Variants in APLF observed in about 807,000 individuals in gnomAD.
APLF encodes aprataxin and PNK-like factor.
APLF carries 61 observed loss-of-function variants against 55.6 expected under a neutral mutation model. That is an observed-to-expected ratio of 1.10 (90% CI 0.89 to 1.36). The LOEUF (loss-of-function observed/expected upper bound fraction) is 1.36, where lower values mean the gene tolerates loss of function less well. Ranked by LOEUF, APLF falls within the 40% of genes most tolerant of loss-of-function variation. APLF has a pLI of 0.00. For synonymous variants in APLF, 207 were observed against 214.8 expected (o/e 0.96, Z 0.32); for missense variants, 611 against 602.5 (o/e 1.01, Z -0.15).
At chr2:68,483,015 A>G (rs1269716543) in intron 1 of APLF, among the ~76,000 whole-genome samples, 2 of 152,008 alleles carry the variant, frequency 1.3e-5, no homozygotes, top group African/African-American at 4.8e-5. Context: ...CCAGGCTCTC[A>G]GTAACTGGAG....
chr2:68,550,241 AT>A (rs949686393), intron 8 of APLF, among the ~76,000 whole-genome samples: 2 of 151,636 alleles, frequency 1.3e-5, no homozygotes, highest in South Asian at 4.2e-4. Context: ...GTCCATTTAC[AT>A]TTTTTTTGAG....
chr2:68,540,777 T>C (rs1670525638), intron 7 of APLF, among the ~76,000 whole-genome samples: 2 of 149,552 alleles, frequency 1.3e-5, no homozygotes, highest in Admixed American at 1.3e-4. Context: ...CATGCGTGTG[T>C]GTGTGTGTGT....
chr2:68,504,541 C>G (rs369586012), intron 3 of APLF, among the ~76,000 whole-genome samples: 7 of 151,768 alleles, frequency 4.6e-5, no homozygotes, highest in Admixed American at 4.6e-4. Flanking sequence ...AATAGATGCT[C>G]AAAAATAATT....
chr2:68,568,083 G>A (rs1362646375), intron 9 of APLF, among the ~76,000 whole-genome samples: 1 of 152,102 alleles, frequency 6.6e-6, no homozygotes, highest in African/African-American at 2.4e-5. Context: ...CTTTGAGGAA[G>A]AGAGGAGGGG....
intron 8 of APLF, among the ~76,000 whole-genome samples, chr2:68,563,748 C>T (rs1446362940): frequency 6.6e-6 from 1 of 151,890 alleles, no homozygotes; most frequent in African/African-American, 2.4e-5. Flanking sequence ...CAATTAAGAC[C>T]ATATTCAACT....
At chr2:68,499,561 A>T (rs1305146724) in intron 2 of APLF, among the ~76,000 whole-genome samples, 1 of 152,192 alleles carries the variant, frequency 6.6e-6, no homozygotes, top group Non-Finnish European at 1.5e-5. Flanking sequence ...CTCTCAAGCC[A>T]GGTGCAGTGG....
At chr2:68,484,549 G>A (rs1312254248) in intron 1 of APLF, among the ~76,000 whole-genome samples, 3 of 151,932 alleles carry the variant, frequency 2.0e-5, no homozygotes, top group Non-Finnish European at 2.9e-5. Context: ...AAAATTAGCC[G>A]GACATGGTGG....
At chr2:68,564,070 A>G (rs755485546) in intron 8 of APLF, among the ~76,000 whole-genome samples, 12 of 152,040 alleles carry the variant, frequency 7.9e-5, no homozygotes, top group Non-Finnish European at 1.3e-4. Flanking sequence ...TATCTTTGGT[A>G]TTAATGTTCC....
In APLF at chr2:68,532,852, A is replaced by G. The variant is rs114403300; in HGVS notation, c.805-5020A>G. On this transcript the variant is annotated intron_variant, in intron 6 of 9. Transcript: ENST00000303795. ...GTTGAAACTTAATCCTCAGAGCAACAGTATTGGGAGGTGGGCCTAATGGGA... is the reference window on the plus strand; with the variant it reads ...GTTGAAACTTAATCCTCAGAGCAACGGTATTGGGAGGTGGGCCTAATGGGA... Among the ~76,000 whole-genome samples the G allele has an allele frequency of 7.8e-3, 1,189 of 152,250 alleles. 14 individuals carry two copies. The highest frequency in any genetic ancestry group is 0.027 in the African/African-American group (1,135 of 41,544).
intron 5 of APLF, among the ~76,000 whole-genome samples, chr2:68,518,539 T>TATC (rs2103966739): frequency 8.8e-6 from 1 of 113,516 alleles, no homozygotes; most frequent in Admixed American, 1.0e-4. Context: ...TATTAATATA[T>TATC]AATAATATAT....
intron 6 of APLF, among the ~76,000 whole-genome samples, chr2:68,534,335 CT>C: frequency 6.6e-6 from 1 of 152,240 alleles, no homozygotes; most frequent in East Asian, 1.9e-4. Flanking sequence ...GAGTTTTAGT[CT>C]TTAGCGTTAG....
At chr2:68,473,915 C>A (rs1160048197) in intron 1 of APLF, among the ~76,000 whole-genome samples, 1 of 152,130 alleles carries the variant, frequency 6.6e-6, no homozygotes, top group African/African-American at 2.4e-5. Context: ...CATCAGCTCC[C>A]ACATGTTGAG....
intron 8 of APLF, among the ~76,000 whole-genome samples, chr2:68,564,193 C>T (rs1052564954): frequency 2.6e-5 from 4 of 152,010 alleles, no homozygotes; most frequent in African/African-American, 9.7e-5. Context: ...AAGATCTTCC[C>T]ACAAATCGTC....
chr2:68,563,277 TC>T (rs1671214668), intron 8 of APLF: 2 of 984,968 alleles, frequency 2.0e-6, no homozygotes. Flanking sequence ...TAACATTTTT[TC>T]CCCTTTTTAA....
At chr2:68,558,831 G>A (rs1411736756) in intron 8 of APLF, among the ~76,000 whole-genome samples, 2 of 152,052 alleles carry the variant, frequency 1.3e-5, no homozygotes, top group Non-Finnish European at 2.9e-5. Context: ...GACCCAGTGT[G>A]TGTTGTTCCC....
At chr2:68,493,267 C>T (rs1028084366) in intron 2 of APLF, among the ~76,000 whole-genome samples, 1 of 151,928 alleles carries the variant, frequency 6.6e-6, no homozygotes, top group African/African-American at 2.4e-5. Context: ...GCTAGCATTG[C>T]GTATCAGTGG....
intron 6 of APLF, among the ~76,000 whole-genome samples, chr2:68,527,995 G>T (rs1405728632): frequency 6.6e-6 from 1 of 151,010 alleles, no homozygotes; most frequent in African/African-American, 2.4e-5. Context: ...GCTGGGCAGA[G>T]GCGCTCGTCA....
chr2:68,564,525 A>G (rs2104061716), intron 8 of APLF, among the ~76,000 whole-genome samples: 1 of 152,256 alleles, frequency 6.6e-6, no homozygotes, highest in East Asian at 1.9e-4. Flanking sequence ...TTCTTGAGCT[A>G]ATAATGAAGG....
At chr2:68,554,646 T>A (rs577667591) in intron 8 of APLF, among the ~76,000 whole-genome samples, 2 of 152,134 alleles carry the variant, frequency 1.3e-5, no homozygotes, top group South Asian at 4.1e-4. Flanking sequence ...AAGTTTTTTT[T>A]TTTTTTGCAG....
Sources: allele counts gnomAD v4.1 joint callset (sites outside exome capture counted in the v4.1 genomes callset), GRCh38; gene constraint gnomAD v4.1.1; transcripts MANE v1.5; gene names NCBI Gene and HGNC (gene_info 2026-07-23, HGNC 2026-07-21).